The following SHANK2 variants were observed in gnomAD, a reference collection of about 807,000 sequenced individuals.
The protein encoded by SHANK2 is SH3 and multiple ankyrin repeat domains 2.
SHANK2 carries 43 observed loss-of-function variants against 133.7 expected under a neutral mutation model. The observed-to-expected ratio is 0.32, with a 90% confidence interval of 0.25 to 0.41. The LOEUF is 0.41. Ranked by LOEUF, SHANK2 falls within the 10% of genes least tolerant of loss-of-function variation. SHANK2 has a pLI of 1.00. For missense variants in SHANK2, 1,994 were observed against 2,235.8 expected, an observed-to-expected ratio of 0.89 and a Z score of 2.18; for synonymous variants, 1,017 against 952.8, an observed-to-expected ratio of 1.07 and a Z score of -1.24.
At position 70,485,198 on chromosome 11, in the gene SHANK2, C is replaced by T. The variant is rs963154259; in HGVS notation, c.4979+116G>A. 2 of 862,898 alleles carry T rather than the reference C, an allele frequency of 2.3e-6. No homozygotes were observed. Among genetic ancestry groups the T allele is most frequent in the Non-Finnish European group, 1.9e-6 (1 of 522,804 alleles). The allele number at this position is 862,898 out of a possible 1,614,324, so 53.5% of individuals were successfully genotyped here. A position where few individuals can be genotyped will look rare whatever the true frequency, so the allele number is the denominator to read the frequency against. ...ACTGCATTAACAGACGTGGCCCACACAGGCTTTACGAATTCCCCTCTTCGT... is the reference window on the plus strand; with the variant it reads ...ACTGCATTAACAGACGTGGCCCACATAGGCTTTACGAATTCCCCTCTTCGT... On this transcript the variant is annotated intron_variant, in intron 25 of 25. Coordinates refer to ENST00000601538, the MANE Select transcript of SHANK2 (RefSeq NM_012309.5). The surrounding 1 kb of genome is among the most constrained non-coding windows in gnomAD (Gnocchi z 5.8).
rs559263169 is a variant in SHANK2, at chr11:70,469,138, G to A, written c.*3731C>T. ...TCCACCCAGAACAAAAGGAAAAGCC[G>A]AGCCTCAGCTCCACGCCTATAGCAG... On this transcript the variant is annotated 3_prime_UTR_variant, in exon 26 of 26. Transcript: ENST00000601538. The A allele has an allele frequency of 6.6e-6, 1 of 152,360 alleles. No homozygotes were observed. Among genetic ancestry groups the A allele is most frequent in the Non-Finnish European group, 1.5e-5 (1 of 68,054 alleles). 9.4% of individuals were successfully genotyped at this position (152,360 alleles called of 1,614,324 possible).
intron 14 of SHANK2, among the ~76,000 whole-genome samples, chr11:70,761,701 G>A (rs1947000680): frequency 6.6e-6 from 1 of 152,238 alleles, no homozygotes; most frequent in South Asian, 2.1e-4. Context: ...GGTTCTGGGG[G>A]CCTGGGAGCC....
chr11:70,934,187 G>A (rs1555083048), intron 10 of SHANK2, among the ~76,000 whole-genome samples: 1 of 142,768 alleles, frequency 7.0e-6, no homozygotes, highest in Non-Finnish European at 1.5e-5. Context: ...AACCATGAGT[G>A]TACCACTGCA....
At chr11:70,713,844 A>G (rs1945850987) in intron 14 of SHANK2, among the ~76,000 whole-genome samples, 1 of 152,250 alleles carries the variant, frequency 6.6e-6, no homozygotes, top group Non-Finnish European at 1.5e-5. Flanking sequence ...ACACTACAAG[A>G]AAAGTGCTAG....
intron 14 of SHANK2, among the ~76,000 whole-genome samples, chr11:70,754,409 A>T (rs782419205): frequency 6.6e-6 from 1 of 152,248 alleles, no homozygotes; most frequent in Non-Finnish European, 1.5e-5. Flanking sequence ...GGGAATCATG[A>T]GCAAGTGTGC....
intron 3 of SHANK2, among the ~76,000 whole-genome samples, chr11:71,146,536 C>G (rs112156469): frequency 6.6e-6 from 1 of 152,222 alleles, no homozygotes; most frequent in Non-Finnish European, 1.5e-5. Flanking sequence ...ACACAGCCAG[C>G]GTGGGCCAGG....
chr11:70,486,225 T>A lies in SHANK2; in HGVS notation c.4068A>T (p.Glu1356Asp). Reference protein sequence around the residue: ...SEVPEGVSETEGALQISAAPE... With the variant: ...SEVPEGVSETDGALQISAAPE... ...GGGCAGCGGAGATCTGTAAAGCACC[T>A]TCGGTTTCGGAAACACCTTCTGGCA... The change falls in exon 25 of 26, where the codon GAA (glutamate) becomes GAT (aspartate). Residue 1356 changes from glutamate (E) to aspartate (D), a missense_variant. Around this residue, in one of 5 missense-constraint regions of SHANK2, gnomAD observed 797 missense variants for 907.4 expected, o/e 0.88. Transcript: ENST00000601538. The surrounding 1 kb of genome is among the most constrained non-coding windows in gnomAD (Gnocchi z 8.0). The A allele has an allele frequency of 6.2e-7, 1 of 1,613,944 alleles. No homozygotes were observed. The highest frequency in any genetic ancestry group is 8.5e-7 in the Non-Finnish European group (1 of 1,180,012).
rs917116287 is a variant in SHANK2 at position 70,739,889 on chromosome 11, C to T, written c.1778-41126G>A. Among the ~76,000 whole-genome samples the T allele has an allele frequency of 4.6e-5, 7 of 152,218 alleles. No homozygotes were observed. Among genetic ancestry groups the T allele is most frequent in the East Asian group, 1.9e-4 (1 of 5,194 alleles). The stretch of plus-strand genomic sequence containing the variant: ...CGGCCACGTGAAGACAGGCCAGAGC[C>T]GCCGCAGAGGATGATGATCCCGAAT... On this transcript the variant is annotated intron_variant, in intron 14 of 25. Coordinates refer to ENST00000601538, the MANE Select transcript of SHANK2 (RefSeq NM_012309.5). This position sits in a 1 kb window ranked among gnomAD's most constrained non-coding sequence, Gnocchi z 4.3.
intron 17 of SHANK2, chr11:70,631,380 A>ACC (rs2060984733): frequency 2.1e-5 from 3 of 145,082 alleles, no homozygotes; most frequent in African/African-American, 7.5e-5. Context: ...GGAGTTACAC[A>ACC]CACACACACA....
intron 11 of SHANK2, among the ~76,000 whole-genome samples, chr11:70,822,617 C>CG (rs1948549010): frequency 1.2e-5 from 1 of 86,096 alleles, no homozygotes; most frequent in African/African-American, 4.7e-5. Context: ...GCAGAGTTCA[C>CG]GGGGGACAGA....
At chr11:71,113,400 T>C in intron 4 of SHANK2, 36 bp from the exon 5 acceptor site, 1 of 1,533,150 alleles carries the variant, frequency 6.5e-7, no homozygotes, top group Non-Finnish European at 8.8e-7. Flanking sequence ...AGAAAACAAG[T>C]CAATACTTCT....
At chr11:70,697,064 C>T (rs978279228) in intron 15 of SHANK2, among the ~76,000 whole-genome samples, 1 of 152,220 alleles carries the variant, frequency 6.6e-6, no homozygotes. Context: ...AGAGTCATCA[C>T]ATTCATAGAG....
At chr11:70,888,479 C>T (rs2135612703) in intron 11 of SHANK2, among the ~76,000 whole-genome samples, 1 of 152,192 alleles carries the variant, frequency 6.6e-6, no homozygotes, top group Middle Eastern at 3.4e-3. Flanking sequence ...CCACCCTTGA[C>T]ACTCAAGACC....
At chr11:70,599,319 A>G (rs987576846) in intron 17 of SHANK2, among the ~76,000 whole-genome samples, 1 of 152,120 alleles carries the variant, frequency 6.6e-6, no homozygotes, top group African/African-American at 2.4e-5. Context: ...TTTGAAAGAG[A>G]AATGTAGGCA....
intron 1 of SHANK2, among the ~76,000 whole-genome samples, chr11:71,238,771 C>T (rs540514981): frequency 4.6e-5 from 7 of 152,350 alleles, no homozygotes; most frequent in East Asian, 1.9e-4. Context: ...TCAGCAGAAG[C>T]GTTGAAGAGC....
chr11:70,490,894 G>GTA (rs1397834020), intron 22 of SHANK2, among the ~76,000 whole-genome samples: 6 of 152,362 alleles, frequency 3.9e-5, no homozygotes, highest in African/African-American at 1.4e-4. Context: ...GGCCAACCAG[G>GTA]TATTGTGGTG....
intron 14 of SHANK2, chr11:70,706,147 G>A (rs1555024868): frequency 6.5e-6 from 1 of 153,024 alleles, no homozygotes; most frequent in Non-Finnish European, 1.5e-5. Context: ...CCCCAGCCGT[G>A]TTAGCCTCCT....
chr11:70,500,682 GGAGCAGGCT>G lies in SHANK2; in HGVS notation c.2288-101_2288-93del, dbSNP rs2059037292. Reference sequence around the variant, plus strand: ...GGCCTTGTCAGCTCAGGGCGCCTCAGGAGCAGGCTGGGCCGGCAATGGGGCGGCAGGCAG... The same window carrying G: ...GGCCTTGTCAGCTCAGGGCGCCTCAGGGGCCGGCAATGGGGCGGCAGGCAG... On this transcript the variant is annotated intron_variant, in intron 20 of 25. Coordinates refer to ENST00000601538, the MANE Select transcript of SHANK2 (RefSeq NM_012309.5). This position sits in a 1 kb window ranked among gnomAD's most constrained non-coding sequence, Gnocchi z 4.5. 6.5e-7 allele frequency: 1 copy of G among 1,531,014 alleles called. No homozygotes were observed. The highest frequency in any genetic ancestry group is 1.9e-5 in the Admixed American group (1 of 51,328). 94.8% of individuals were successfully genotyped at this position (1,531,014 alleles called of 1,614,324 possible). A position where few individuals can be genotyped will look rare whatever the true frequency, so the allele number is the denominator to read the frequency against.
At chr11:71,146,145 C>T (rs1952638844) in intron 3 of SHANK2, among the ~76,000 whole-genome samples, 1 of 152,228 alleles carries the variant, frequency 6.6e-6, no homozygotes, top group Non-Finnish European at 1.5e-5. Context: ...CTACTAGGCG[C>T]CTGTTTGCAA....
Sources: allele counts gnomAD v4.1 joint callset (sites outside exome capture counted in the v4.1 genomes callset), GRCh38; gene constraint gnomAD v4.1.1; regional missense constraint gnomAD v4.1.1; non-coding constraint Gnocchi (gnomAD v3.1); transcripts MANE v1.5; gene names NCBI Gene and HGNC (gene_info 2026-07-23, HGNC 2026-07-21).